The following TSHZ3 variants were observed in gnomAD, a reference collection of about 807,000 sequenced individuals.
TSHZ3 encodes the protein teashirt homolog 3.
TSHZ3 carries 10 observed loss-of-function variants against 64.5 expected under a neutral mutation model. The ratio of observed to expected loss-of-function variants is 0.16; its 90% CI spans 0.10 to 0.26. The LOEUF (loss-of-function observed/expected upper bound fraction) is 0.26. Ranked by LOEUF, TSHZ3 falls within the 10% of genes least tolerant of loss-of-function variation. TSHZ3 has a pLI of 1.00. For missense variants in TSHZ3, 1,242 were observed against 1,421.7 expected, an observed-to-expected ratio of 0.87 and a Z score of 2.03; for synonymous variants, 608 against 593.1, an observed-to-expected ratio of 1.03 and a Z score of -0.36.
chr19:31,206,409 C>G (rs1856462709), intron 4 of TSHZ3, among the ~76,000 whole-genome samples: 1 of 152,020 alleles, frequency 6.6e-6, no homozygotes, highest in South Asian at 2.1e-4. Flanking sequence ...TGATTTCTCT[C>G]ACTGAACAAG....
At position 31,277,976 on chromosome 19, in the gene TSHZ3, T is replaced by C; in HGVS notation, c.1817A>G (p.Asn606Ser). Residue 606 changes from asparagine to serine, a missense_variant, in exon 2 of 2, where the codon AAC becomes AGC. By Grantham distance (46) the Asn-to-Ser change is conservative. Around this residue, in one of 4 missense-constraint regions of TSHZ3, gnomAD observed 550 missense variants for 545.1 expected, o/e 1.01. Coordinates refer to ENST00000240587, the MANE Select transcript of TSHZ3 (RefSeq NM_020856.4). The surrounding 1 kb of genome is among the most constrained non-coding windows in gnomAD (Gnocchi z 4.5). ...CACCAGCTCCTCCATGGCATGAAAG[T>C]TTGTCTTGGGCATGGGGGACGTCTG... ...SSQTSPMPKT[N>S]FHAMEELVKK... 6.2e-7 allele frequency: 1 copy of C among 1,614,170 alleles called. No homozygotes were observed. Among genetic ancestry groups the C allele is most frequent in the South Asian group, 1.1e-5 (1 of 91,076 alleles).
At chr19:31,260,459 C>T (rs912384292) in intron 1 of TSHZ3, among the ~76,000 whole-genome samples, 3 of 152,212 alleles carry the variant, frequency 2.0e-5, no homozygotes, top group African/African-American at 7.2e-5. Context: ...GGGAGCTCAG[C>T]CTTGGCATCC....
intron 1 of TSHZ3, among the ~76,000 whole-genome samples, chr19:31,308,872 A>T (rs1227023103): frequency 6.6e-6 from 1 of 152,248 alleles, no homozygotes; most frequent in African/African-American, 2.4e-5. Flanking sequence ...GAAAGGACTG[A>T]CCAGAGGCAC....
chr19:31,170,640 T>G (rs923699446), intron 5 of TSHZ3, among the ~76,000 whole-genome samples: 3 of 152,234 alleles, frequency 2.0e-5, no homozygotes, highest in African/African-American at 7.2e-5. Flanking sequence ...CCAGCTAGAC[T>G]GCAAGCATCA....
At chr19:31,320,670 C>T (rs939672854) in intron 1 of TSHZ3, among the ~76,000 whole-genome samples, 3 of 152,202 alleles carry the variant, frequency 2.0e-5, no homozygotes, top group African/African-American at 7.2e-5. Context: ...AAGACACGGT[C>T]AGGTGCGGGT....
chr19:31,272,927 C>T (rs2145207165), downstream of TSHZ3, among the ~76,000 whole-genome samples: 1 of 152,284 alleles, frequency 6.6e-6, no homozygotes, highest in East Asian at 1.9e-4. Context: ...ATTTAAAGGC[C>T]TGACTTGGGC....
intron 1 of TSHZ3, among the ~76,000 whole-genome samples, chr19:31,285,166 A>G (rs2145122478): frequency 6.6e-6 from 1 of 152,280 alleles, no homozygotes; most frequent in South Asian, 2.1e-4. Flanking sequence ...AGCTGTGCCC[A>G]CACTCAAATA....
At position 31,163,883 on chromosome 19, in the gene TSHZ3, C is replaced by G. The variant is rs1448224596; in HGVS notation, n.810-7466G>C. Among the ~76,000 whole-genome samples, 6 of 152,170 alleles carry G rather than the reference C, an allele frequency of 3.9e-5. No homozygotes were observed. In the East Asian group the frequency reaches 1.2e-3, roughly 29 times the overall value. Reference sequence around the variant, plus strand: ...TATATACTGGGGGCTTACCCTGCACCAGGCACCCTCCTAAGTGCTTCATGG... The same window carrying G: ...TATATACTGGGGGCTTACCCTGCACGAGGCACCCTCCTAAGTGCTTCATGG... On this transcript the variant is annotated intron_variant and non_coding_transcript_variant, in intron 5 of 6. Transcript: ENST00000651361.
At chr19:31,228,018 C>T (rs560311615) in exon 4 of TSHZ3, among the ~76,000 whole-genome samples, 51 of 152,318 alleles carry the variant, frequency 3.3e-4, no homozygotes, top group Non-Finnish European at 3.2e-4. Context: ...GGCAACTCAA[C>T]AGCCTCCCAG....
intron 1 of TSHZ3, chr19:31,305,620 T>C (rs1568375551): frequency 6.6e-6 from 1 of 152,130 alleles, no homozygotes; most frequent in East Asian, 1.9e-4. Context: ...AGTTTGTGGA[T>C]AGAAAGAGAA....
intron 1 of TSHZ3, among the ~76,000 whole-genome samples, chr19:31,259,173 T>A (rs1975952982): frequency 6.6e-6 from 1 of 152,190 alleles, no homozygotes; most frequent in South Asian, 2.1e-4. Context: ...ACCATGGAAA[T>A]AAATGATCTG....
chr19:31,188,647 G>A (rs902205516), intron 5 of TSHZ3, among the ~76,000 whole-genome samples: 1 of 151,780 alleles, frequency 6.6e-6, no homozygotes, highest in Admixed American at 6.6e-5. Flanking sequence ...ACAATCTGAT[G>A]TTCCATTAAT....
At chr19:31,217,185 G>A (rs1975345257) in intron 4 of TSHZ3, among the ~76,000 whole-genome samples, 1 of 152,194 alleles carries the variant, frequency 6.6e-6, no homozygotes, top group South Asian at 2.1e-4. Flanking sequence ...GGGTTAAGGG[G>A]CAGAGACAGC....
chr19:31,316,351 G>A (rs142137935), intron 1 of TSHZ3, among the ~76,000 whole-genome samples: 17 of 152,330 alleles, frequency 1.1e-4, no homozygotes, highest in Admixed American at 5.9e-4. Context: ...AATTAAAGGG[G>A]AAGACGGCAC....
chr19:31,322,126 ATGTT>A (rs1000623857), intron 1 of TSHZ3, among the ~76,000 whole-genome samples: 8 of 151,922 alleles, frequency 5.3e-5, no homozygotes, highest in African/African-American at 1.2e-4. Flanking sequence ...TAATGGTTTT[ATGTT>A]TGTTTGTTTT....
chr19:31,272,276 G>C (rs1372939867), downstream of TSHZ3, among the ~76,000 whole-genome samples: 1 of 152,048 alleles, frequency 6.6e-6, no homozygotes, highest in Non-Finnish European at 1.5e-5. Flanking sequence ...CACCACGTCT[G>C]TGGAACTGTA....
chr19:31,344,700 G>T (rs1225042197), intron 1 of TSHZ3, among the ~76,000 whole-genome samples: 1 of 152,206 alleles, frequency 6.6e-6, no homozygotes, highest in Admixed American at 6.5e-5. Flanking sequence ...CAAGAAGGTA[G>T]GTCCTTTCTC....
rs1213589239 is a variant in TSHZ3, at chr19:31,341,629, TGACACACA to T, written c.40+7543_40+7550del. 7.1e-3 allele frequency among the ~76,000 whole-genome samples: 636 copies of T among 89,616 alleles called. 4 individuals are homozygous for T. Among genetic ancestry groups the T allele is most frequent in the African/African-American group, 0.023 (528 of 22,938 alleles). The allele number at this position is 89,616 out of a possible 152,430, so 58.8% of individuals were successfully genotyped here. ...CACTCACTCTCTCTCTCTCTCTCTC[TGACACACA>T]CACACACACACACACACACACACAC... On this transcript the variant is annotated intron_variant, in intron 1 of 1. Coordinates refer to ENST00000240587, the MANE Select transcript of TSHZ3 (RefSeq NM_020856.4).
chr19:31,256,035 G>A (rs968627349), intron 1 of TSHZ3, among the ~76,000 whole-genome samples: 10 of 152,114 alleles, frequency 6.6e-5, no homozygotes, highest in East Asian at 3.9e-4. Flanking sequence ...CAGGGGTGGC[G>A]CCAAAACTGA....
Sources: allele counts gnomAD v4.1 joint callset (sites outside exome capture counted in the v4.1 genomes callset), GRCh38; gene constraint gnomAD v4.1.1; regional missense constraint gnomAD v4.1.1; non-coding constraint Gnocchi (gnomAD v3.1); transcripts MANE v1.5; gene names NCBI Gene and HGNC (gene_info 2026-07-23, HGNC 2026-07-21).